Variants in ZNF782 observed in about 807,000 individuals in gnomAD.
ZNF782 encodes the protein zinc finger protein 782.
A neutral mutation model predicts 13.0 loss-of-function variants in ZNF782; 12 were observed. The observed-to-expected ratio is 0.92, with a 90% CI of 0.59 to 1.50. The LOEUF (loss-of-function observed/expected upper bound fraction) is 1.50. Among genes scored for constraint, ZNF782 ranks in the 40% most tolerant of loss-of-function variants. The pLI, the probability that ZNF782 is intolerant of heterozygous loss-of-function variation, is 0.00. For missense variants in ZNF782, 770 were observed against 822.9 expected (o/e 0.94, Z 0.79); for synonymous variants, 284 against 283.0 (o/e 1.00, Z -0.04).
rs1170505989 is a variant in ZNF782 at position 96,818,664 on chromosome 9, A to G, written c.1359T>C (p.His453=). 1 of 1,614,124 alleles carries G rather than the reference A, an allele frequency of 6.2e-7. No individual in the cohort carries two copies. Among genetic ancestry groups the G allele is most frequent in the Admixed American group, 1.7e-5 (1 of 60,024 alleles). Residue 453 remains histidine, a synonymous_variant, in exon 6 of 6, where the codon CAT becomes CAC. Coordinates refer to ENST00000481138, the MANE Select transcript of ZNF782 (RefSeq NM_001001662.3). Reference sequence around the variant, plus strand: ...TATAGTTAAAAGATTTCCCACATTCATGACATTCGAATGGTTTCTCCCCTG... The same window carrying G: ...TATAGTTAAAAGATTTCCCACATTCGTGACATTCGAATGGTTTCTCCCCTG... ...THTGEKPFEC[H]ECGKSFNYKS... is the part of the protein sequence containing the mutation.
intron 2 of ZNF782, among the ~76,000 whole-genome samples, chr9:96,852,418 C>A (rs191920640): frequency 1.3e-5 from 2 of 152,266 alleles, no homozygotes; most frequent in Admixed American, 6.5e-5. Flanking sequence ...AGAGGGAGGA[C>A]AGCTTGAGCT....
chr9:96,839,987 A>G (rs1441795642), intron 4 of ZNF782, among the ~76,000 whole-genome samples: 2 of 152,174 alleles, frequency 1.3e-5, no homozygotes, highest in Admixed American at 1.3e-4. Flanking sequence ...CCTTGTGTAT[A>G]TATCATTTTG....
At chr9:96,856,065 C>T (rs1195655823), upstream of ZNF782, among the ~76,000 whole-genome samples, 1 of 151,992 alleles carries the variant, frequency 6.6e-6, no homozygotes, top group Non-Finnish European at 1.5e-5. Flanking sequence ...CTATTCATGT[C>T]CTTAGCCCAC....
intron 5 of ZNF782, among the ~76,000 whole-genome samples, chr9:96,821,586 T>G (rs1448746257): frequency 6.6e-6 from 1 of 152,150 alleles, no homozygotes; most frequent in African/African-American, 2.4e-5. Flanking sequence ...ATCATTCAAA[T>G]TAGGAAGCAT....
chr9:96,918,312 A>AG, the ZNF782 span, among the ~76,000 whole-genome samples: 35 of 143,328 alleles, frequency 2.4e-4, no homozygotes, highest in Admixed American at 2.9e-4. Flanking sequence ...TGGGAAGCTG[A>AG]GGGGGGAGAA....
the ZNF782 span, among the ~76,000 whole-genome samples, chr9:96,907,937 G>A: frequency 3.3e-5 from 5 of 151,692 alleles, no homozygotes; most frequent in Non-Finnish European, 5.9e-5. Context: ...CACCGTGCCC[G>A]GCCTTGATAG....
rs1248850626 is a variant in ZNF782 at position 96,819,209 on chromosome 9, C to T, written c.814G>A (p.Glu272Lys). Residue 272 changes from glutamate to lysine, a missense_variant, in exon 6 of 6, where the codon GAG becomes AAG. Coordinates refer to ENST00000481138, the MANE Select transcript of ZNF782 (RefSeq NM_001001662.3). ...AAACAATTTCCAGTATCATTAAACT[C>T]ATAGTGACTCTTCTCTGGATTCATG... ...QNMNPEKSHY[E>K]FNDTGNCFCR... The T allele has an allele frequency of 2.5e-6, 4 of 1,611,230 alleles. No individual in the cohort carries two copies. In the African/African-American group the frequency reaches 5.3e-5, roughly 22 times the overall value.
At chr9:96,823,571 T>C (rs533077391) in intron 5 of ZNF782, among the ~76,000 whole-genome samples, 2 of 152,338 alleles carry the variant, frequency 1.3e-5, no homozygotes, top group African/African-American at 4.8e-5. Context: ...TTTAGTGTTA[T>C]TGAGTTTACA....
the ZNF782 span, among the ~76,000 whole-genome samples, chr9:96,881,527 T>C: frequency 6.6e-6 from 1 of 152,246 alleles, no homozygotes; most frequent in African/African-American, 2.4e-5. Context: ...TTCAATAAAG[T>C]TGCATAAACC....
chr9:96,905,577 A>G, the ZNF782 span, among the ~76,000 whole-genome samples: 1 of 150,896 alleles, frequency 6.6e-6, no homozygotes, highest in African/African-American at 2.4e-5. Flanking sequence ...TTATTCCCTT[A>G]CTTTTTTTTT....
At position 96,818,786 on chromosome 9, in the gene ZNF782, G is replaced by A; in HGVS notation, c.1237C>T (p.Gln413Ter). The change falls in exon 6 of 6, where the codon CAG (glutamine) becomes TAG (stop). Residue 413 changes from glutamine to a stop codon, truncating the protein, a stop_gained. Transcript: ENST00000481138. LOFTEE classifies it low-confidence loss of function (END_TRUNC). ...FSEKSRLRKHQRTHTGEKPYK... is the reference protein window; with the variant it reads ...FSEKSRLRKH ...GGTTTCTCTCCCGTGTGAGTTCTCT[G>A]ATGTTTTCTTAGGCGTGACTTCTCA... The A allele has an allele frequency of 6.2e-7, 1 of 1,613,988 alleles. No individual in the cohort carries two copies. Among genetic ancestry groups the A allele is most frequent in the Non-Finnish European group, 8.5e-7 (1 of 1,179,990 alleles).
intron 4 of ZNF782, among the ~76,000 whole-genome samples, chr9:96,837,151 T>C (rs926480730): frequency 2.6e-5 from 4 of 152,240 alleles, no homozygotes; most frequent in African/African-American, 7.2e-5. Context: ...ACTCATCTTG[T>C]ACATTTCTCG....
Position 96,819,098 on chromosome 9 carries a change from C to G in ZNF782, c.925G>C (p.Gly309Arg), listed in dbSNP as rs1563992336. ...TTTCCATATTCAAAGGGTTTCACCC[C>G]TATATGAACTCTATGATGTTCTCTA... ...HIREHHRVHIGVKPFEYGKSF... is the reference protein window; with the variant it reads ...HIREHHRVHIRVKPFEYGKSF... Residue 309 changes from glycine (G) to arginine (R), a missense_variant, in exon 6 of 6, where the codon GGG (glycine) becomes CGG (arginine). By Grantham distance (125) the Gly-to-Arg change is moderately radical (BLOSUM62 -2). Transcript: ENST00000481138. 1.2e-6 allele frequency: 2 copies of G among 1,614,000 alleles called. No homozygotes were observed. Among genetic ancestry groups the G allele is most frequent in the Non-Finnish European group, 1.7e-6 (2 of 1,180,018 alleles).
At chr9:96,857,001 G>A (rs1030013307), upstream of ZNF782, among the ~76,000 whole-genome samples, 10 of 152,170 alleles carry the variant, frequency 6.6e-5, no homozygotes, top group Admixed American at 2.6e-4. Context: ...CAGCCACTGG[G>A]GGGCTCTCTT....
the ZNF782 span, chr9:96,891,967 T>A: frequency 3.3e-5 from 5 of 152,296 alleles, no homozygotes; most frequent in African/African-American, 1.2e-4. Context: ...ATGTGGACGA[T>A]GAGGAAAGGG....
the ZNF782 span, among the ~76,000 whole-genome samples, chr9:96,922,511 G>A: frequency 2.0e-5 from 3 of 152,408 alleles, no homozygotes; most frequent in African/African-American, 7.2e-5. Flanking sequence ...GGTGGCTCAC[G>A]CCTGTAATCC....
chr9:96,884,073 T>C, the ZNF782 span, among the ~76,000 whole-genome samples: 2 of 152,222 alleles, frequency 1.3e-5, no homozygotes, highest in Non-Finnish European at 2.9e-5. Context: ...CTCTACCCTG[T>C]GGAAGCAAGC....
At chr9:96,883,517 G>A in the ZNF782 span, among the ~76,000 whole-genome samples, 1 of 152,022 alleles carries the variant, frequency 6.6e-6, no homozygotes, top group African/African-American at 2.4e-5. Flanking sequence ...GAGAGAGAAG[G>A]TTTAGACTAA....
chr9:96,827,127 G>A lies in ZNF782; in HGVS notation c.197C>T (p.Pro66Leu), dbSNP rs1365507696. ...LIFTLEQGED[P>L]WLLEKEKGFL... ...TCCTTTCTCTTTCTCTAATAACCAT[G>A]GATCTTCTCCTTGTTCCAATGTGAA... The change falls in exon 5 of 6, where the codon CCA becomes CTA. Residue 66 changes from proline (P) to leucine (L), a missense_variant. Coordinates refer to ENST00000481138, the MANE Select transcript of ZNF782 (RefSeq NM_001001662.3). 2 of 1,612,398 alleles carry A rather than the reference G, an allele frequency of 1.2e-6. No individual in the cohort carries two copies. Among genetic ancestry groups the A allele is most frequent in the African/African-American group, 2.7e-5 (2 of 74,796 alleles).
Sources: allele counts gnomAD v4.1 joint callset (sites outside exome capture counted in the v4.1 genomes callset), GRCh38; gene constraint gnomAD v4.1.1; transcripts MANE v1.5; gene names NCBI Gene and HGNC (gene_info 2026-07-23, HGNC 2026-07-21).